The following AFAP1L2 variants were observed in gnomAD, a reference collection of about 807,000 sequenced individuals.
AFAP1L2 encodes the protein actin filament-associated protein 1-like 2.
In AFAP1L2, 46 loss-of-function variants were observed where a neutral mutation model predicts 99.3. That is an observed-to-expected ratio of 0.46 (90% CI 0.37 to 0.59). AFAP1L2 has a LOEUF of 0.59. Ranked by LOEUF, AFAP1L2 falls within the 20% of genes least tolerant of loss-of-function variation. The pLI is 0.00. For synonymous variants in AFAP1L2, 397 were observed against 419.1 expected (o/e 0.95, Z 0.64); for missense variants, 959 against 1,034.9 (o/e 0.93, Z 1.01).
chr10:114,402,026 T>G (rs2058276092), intron 1 of AFAP1L2, among the ~76,000 whole-genome samples: 1 of 152,192 alleles, frequency 6.6e-6, no homozygotes, highest in African/African-American at 2.4e-5. Context: ...AAGAGGCATT[T>G]AAATAACACA....
chr10:114,296,156 A>G (rs2040189841), intron 18 of AFAP1L2, 88 bp from the exon 19 acceptor site: 2 of 1,570,754 alleles, frequency 1.3e-6, no homozygotes. Flanking sequence ...ACATAGAAAA[A>G]ATGTGAGAAA....
intron 1 of AFAP1L2, among the ~76,000 whole-genome samples, chr10:114,355,236 C>G (rs1452952092): frequency 6.7e-6 from 1 of 148,820 alleles, no homozygotes; most frequent in East Asian, 2.0e-4. Context: ...CCCACAGAAG[C>G]CTTTCTCTTC....
At chr10:114,330,333 A>T (rs975326508) in intron 4 of AFAP1L2, among the ~76,000 whole-genome samples, 2 of 152,072 alleles carry the variant, frequency 1.3e-5, no homozygotes, top group Non-Finnish European at 2.9e-5. Flanking sequence ...GCTGGCGCTG[A>T]CCCAAGACCC....
At chr10:114,294,017 T>C (rs900086489), downstream of AFAP1L2, among the ~76,000 whole-genome samples, 3 of 152,230 alleles carry the variant, frequency 2.0e-5, no homozygotes, top group African/African-American at 7.2e-5. Context: ...TTGAGATTTA[T>C]GGTATGCTTT....
chr10:114,312,183 G>A (rs1483911820), intron 7 of AFAP1L2, among the ~76,000 whole-genome samples: 1 of 152,092 alleles, frequency 6.6e-6, no homozygotes, highest in African/African-American at 2.4e-5. Flanking sequence ...GAGAAGATCG[G>A]TGGATTTGAG....
intron 5 of AFAP1L2, among the ~76,000 whole-genome samples, chr10:114,318,718 G>C (rs1026040891): frequency 2.1e-5 from 1 of 46,536 alleles, no homozygotes; most frequent in African/African-American, 5.2e-5. Flanking sequence ...CTCCAGCCTG[G>C]CGGCAGGGTG....
At chr10:114,384,283 G>A (rs1192653365) in intron 1 of AFAP1L2, among the ~76,000 whole-genome samples, 3 of 152,018 alleles carry the variant, frequency 2.0e-5, no homozygotes, top group East Asian at 1.9e-4. Flanking sequence ...CCCCACGGCT[G>A]CTTGGCCTTC....
intron 2 of AFAP1L2, among the ~76,000 whole-genome samples, chr10:114,339,367 A>G (rs977007840): frequency 5.9e-5 from 9 of 152,216 alleles, no homozygotes; most frequent in African/African-American, 2.2e-4. Flanking sequence ...GAATGGCGTG[A>G]ACCCGGAAGG....
chr10:114,374,743 C>T (rs1417320371), intron 1 of AFAP1L2, among the ~76,000 whole-genome samples: 1 of 151,378 alleles, frequency 6.6e-6, no homozygotes, highest in Non-Finnish European at 1.5e-5. Context: ...CTGGAAGGGG[C>T]CCAGCGCTGA....
At chr10:114,284,416 C>A in the AFAP1L2 span, among the ~76,000 whole-genome samples, 1 of 152,156 alleles carries the variant, frequency 6.6e-6, no homozygotes, top group East Asian at 1.9e-4. Flanking sequence ...GTGGAAGAGG[C>A]CACATTCAGT....
chr10:114,378,179 G>A (rs1362286345), intron 1 of AFAP1L2, among the ~76,000 whole-genome samples: 9 of 152,152 alleles, frequency 5.9e-5, no homozygotes, highest in East Asian at 5.8e-4. Context: ...TCAAGACAGC[G>A]GCTTACAATT....
chr10:114,339,307 C>T (rs1590307036), intron 2 of AFAP1L2, among the ~76,000 whole-genome samples: 1 of 152,156 alleles, frequency 6.6e-6, no homozygotes, highest in African/African-American at 2.4e-5. Flanking sequence ...ATTAGCCGGG[C>T]GCAGTGGCGG....
chr10:114,341,154 C>A (rs529979896), intron 1 of AFAP1L2, among the ~76,000 whole-genome samples: 4 of 152,268 alleles, frequency 2.6e-5, no homozygotes, highest in Non-Finnish European at 5.9e-5. Context: ...TTACTCTCAT[C>A]TTGATCCTCT....
chr10:114,285,072 C>T, the AFAP1L2 span: 852 of 921,184 alleles, frequency 9.2e-4, no homozygotes, highest in Non-Finnish European at 1.2e-3. Flanking sequence ...TAGAAACTGG[C>T]CCTTGAACCA....
At chr10:114,338,394 T>A (rs145635513) in intron 2 of AFAP1L2, among the ~76,000 whole-genome samples, 1 of 152,344 alleles carries the variant, frequency 6.6e-6, no homozygotes, top group Non-Finnish European at 1.5e-5. Flanking sequence ...TCAACTCAAC[T>A]GTTATGACTT....
the AFAP1L2 span, among the ~76,000 whole-genome samples, chr10:114,286,889 G>C: frequency 6.6e-6 from 1 of 152,170 alleles, no homozygotes; most frequent in Admixed American, 6.5e-5. Flanking sequence ...CTCCTTTGAT[G>C]GCAATCCACA....
chr10:114,378,151 A>T (rs1240219419), intron 1 of AFAP1L2, among the ~76,000 whole-genome samples: 1 of 152,186 alleles, frequency 6.6e-6, no homozygotes, highest in Non-Finnish European at 1.5e-5. Flanking sequence ...ATTCTTCTTT[A>T]CCTTATCCAC....
At chr10:114,334,638 C>A (rs2047668598) in intron 2 of AFAP1L2, among the ~76,000 whole-genome samples, 1 of 152,212 alleles carries the variant, frequency 6.6e-6, no homozygotes, top group Admixed American at 6.5e-5. Context: ...GACCAGTCAG[C>A]AATGTTACCC....
rs183732005 is a variant in AFAP1L2, at chr10:114,377,962, G to T, written c.16+26478C>A. On this transcript the variant is annotated intron_variant, in intron 1 of 18. Coordinates refer to ENST00000304129, the MANE Select transcript of AFAP1L2 (RefSeq NM_001001936.3). This position sits in a 1 kb window ranked among gnomAD's most constrained non-coding sequence, Gnocchi z 4.0. ...ATGGTTTTTTTGTGGGTCTTCACTG[G>T]TGCCACCCCTACGATAGGCTGTGTC... 1.9e-4 allele frequency among the ~76,000 whole-genome samples: 29 copies of T among 152,194 alleles called. No individual in the cohort carries two copies. The highest frequency in any genetic ancestry group is 3.2e-4 in the Non-Finnish European group (22 of 68,004).
Sources: allele counts gnomAD v4.1 joint callset (sites outside exome capture counted in the v4.1 genomes callset), GRCh38; gene constraint gnomAD v4.1.1; non-coding constraint Gnocchi (gnomAD v3.1); transcripts MANE v1.5; gene names NCBI Gene and HGNC (gene_info 2026-07-23, HGNC 2026-07-21).